UNC5D: variants seen among roughly 807,000 people sequenced by gnomAD.
The protein encoded by UNC5D is netrin receptor UNC5D.
In UNC5D, 39 loss-of-function variants were observed where a neutral mutation model predicts 105.4. The ratio of observed to expected loss-of-function variants is 0.37; its 90% CI spans 0.29 to 0.48. UNC5D has a LOEUF of 0.48. Among genes scored for constraint, UNC5D ranks in the 20% least tolerant of loss-of-function variants. The pLI, the probability that UNC5D is intolerant of heterozygous loss-of-function variation, is 0.98. For synonymous variants in UNC5D, 452 were observed against 450.4 expected (o/e 1.00, Z -0.04); for missense variants, 991 against 1,202.4 (o/e 0.82, Z 2.60).
At chr8:35,268,656 T>C (rs1805059815) in intron 1 of UNC5D, among the ~76,000 whole-genome samples, 1 of 152,156 alleles carries the variant, frequency 6.6e-6, no homozygotes, top group African/African-American at 2.4e-5. Context: ...GTTTGGGATA[T>C]ATTTTACAAT....
At chr8:35,238,577 A>G (rs562803648) in intron 1 of UNC5D, among the ~76,000 whole-genome samples, 47 of 152,260 alleles carry the variant, frequency 3.1e-4, no homozygotes, top group African/African-American at 1.1e-3. Context: ...ATGTTGTCAT[A>G]CTGATTTGTT....
At chr8:35,695,710 A>ATTATTTATTTAT (rs59029374) in intron 7 of UNC5D, among the ~76,000 whole-genome samples, 47 of 146,418 alleles carry the variant, frequency 3.2e-4, no homozygotes, top group Non-Finnish European at 5.7e-4. Flanking sequence ...GTATTTTTAT[A>ATTATTTATTTAT]TTATTTATTT....
intron 1 of UNC5D, among the ~76,000 whole-genome samples, chr8:35,352,274 C>T (rs144793601): frequency 3.3e-5 from 5 of 151,826 alleles, no homozygotes; most frequent in African/African-American, 9.7e-5. Context: ...ACATGTTCAC[C>T]GAAATTAAAC....
At chr8:35,568,329 T>A (rs1030986761) in intron 3 of UNC5D, 88 bp downstream of exon 3, 15 of 1,483,840 alleles carry the variant, frequency 1.0e-5, no homozygotes, top group Non-Finnish European at 1.2e-5. Flanking sequence ...TGTCAGATGC[T>A]TCTACAGAAT....
rs114949607 is a variant in UNC5D, at chr8:35,515,053, G to A, written c.104-34239G>A. Reference sequence around the variant, plus strand: ...TGAAGCTGTGGATGGATTTCCGGTGGTTAGGGCAATTTCTGAAAGACTAGC... The same window carrying A: ...TGAAGCTGTGGATGGATTTCCGGTGATTAGGGCAATTTCTGAAAGACTAGC... On this transcript the variant is annotated intron_variant, in intron 1 of 16. Coordinates refer to ENST00000404895, the MANE Select transcript of UNC5D (RefSeq NM_080872.4). Among the ~76,000 whole-genome samples the A allele has an allele frequency of 5.2e-3, 785 of 152,326 alleles. 5 individuals are homozygous for A. The highest frequency in any genetic ancestry group is 0.018 in the African/African-American group (739 of 41,564).
intron 6 of UNC5D, 108 bp from the exon 7 acceptor site, chr8:35,686,437 T>A (rs1269836795): frequency 3.3e-6 from 4 of 1,201,762 alleles, no homozygotes; most frequent in East Asian, 5.9e-5. Flanking sequence ...TTCTGTTTGG[T>A]GGTTATTTCC....
At chr8:35,577,526 G>A (rs914549102) in intron 3 of UNC5D, among the ~76,000 whole-genome samples, 1 of 150,934 alleles carries the variant, frequency 6.6e-6, no homozygotes, top group African/African-American at 2.4e-5. Context: ...AAAGATTATA[G>A]CTCATGAAAT....
At chr8:35,603,913 C>A (rs560045574) in intron 4 of UNC5D, among the ~76,000 whole-genome samples, 1 of 152,024 alleles carries the variant, frequency 6.6e-6, no homozygotes, top group Non-Finnish European at 1.5e-5. Flanking sequence ...TTCCTCCATC[C>A]CTTTATTTTG....
intron 1 of UNC5D, among the ~76,000 whole-genome samples, chr8:35,361,325 A>C (rs1801838766): frequency 6.6e-6 from 1 of 152,168 alleles, no homozygotes; most frequent in Admixed American, 6.6e-5. Flanking sequence ...TATGATGTCT[A>C]AGAAGACCTA....
Position 35,387,362 on chromosome 8 carries a change from C to CAAA in UNC5D, c.103+151486_103+151488dup, listed in dbSNP as rs745672033. ...TGGGCGACACAGCGAGACTCCATCT[C>CAAA]AAAAAAAAAAAAAGAGAAACGCAGA... On this transcript the variant is annotated intron_variant, in intron 1 of 16. Coordinates refer to ENST00000404895, the MANE Select transcript of UNC5D (RefSeq NM_080872.4). Among the ~76,000 whole-genome samples, 27 of 114,106 alleles carry CAAA rather than the reference C, an allele frequency of 2.4e-4. 2 individuals are homozygous for CAAA. Among genetic ancestry groups the CAAA allele is most frequent in the African/African-American group, 6.5e-4 (19 of 29,332 alleles). 74.9% of individuals were successfully genotyped at this position (114,106 alleles called of 152,430 possible).
intron 1 of UNC5D, among the ~76,000 whole-genome samples, chr8:35,327,698 G>T (rs765575603): frequency 2.6e-5 from 4 of 152,162 alleles, no homozygotes; most frequent in Admixed American, 2.6e-4. Flanking sequence ...TCCGACCCTG[G>T]CACGGTCTGC....
chr8:35,364,420 A>G (rs1165086170), intron 1 of UNC5D, among the ~76,000 whole-genome samples: 1 of 152,050 alleles, frequency 6.6e-6, no homozygotes, highest in African/African-American at 2.4e-5. Flanking sequence ...ATCATTTTCT[A>G]AAGCACTTTT....
At chr8:35,558,176 A>G (rs181434559) in intron 2 of UNC5D, among the ~76,000 whole-genome samples, 2 of 149,952 alleles carry the variant, frequency 1.3e-5, no homozygotes, top group Middle Eastern at 3.5e-3. Context: ...AAGCTCCTTG[A>G]GGGTAGGTAT....
chr8:35,664,502 G>A (rs1352847648), intron 4 of UNC5D, among the ~76,000 whole-genome samples: 1 of 152,022 alleles, frequency 6.6e-6, no homozygotes, highest in Non-Finnish European at 1.5e-5. Context: ...CAGCCTCCGA[G>A]TAGCTGGAAT....
At chr8:35,648,668 G>C (rs1355197912) in intron 4 of UNC5D, among the ~76,000 whole-genome samples, 1 of 119,984 alleles carries the variant, frequency 8.3e-6, no homozygotes, top group Non-Finnish European at 1.6e-5. Context: ...AACAGAGTGA[G>C]AGTCCGTCTC....
intron 1 of UNC5D, among the ~76,000 whole-genome samples, chr8:35,418,779 G>T (rs186784150): frequency 1.3e-3 from 193 of 152,250 alleles, no homozygotes; most frequent in Admixed American, 2.2e-3. Context: ...CATTCAACTC[G>T]TTCCTCTGTT....
At chr8:35,686,828 G>A (rs1355857146) in intron 7 of UNC5D, 119 bp downstream of exon 7, 7 of 1,302,788 alleles carry the variant, frequency 5.4e-6, no homozygotes, top group South Asian at 4.5e-5. Flanking sequence ...AAGCTGCTAA[G>A]GGCAAAAATA....
chr8:35,496,015 G>C (rs139590757), intron 1 of UNC5D, among the ~76,000 whole-genome samples: 1 of 152,176 alleles, frequency 6.6e-6, no homozygotes. Context: ...TCATAGTGGG[G>C]AATGTTTAAT....
At chr8:35,550,533 A>G in intron 2 of UNC5D, among the ~76,000 whole-genome samples, 1 of 152,156 alleles carries the variant, frequency 6.6e-6, no homozygotes. Context: ...AATCAGCCTA[A>G]TTTATTAACT....
Sources: gnomAD v4.1 joint callset for allele counts (sites outside exome capture counted in the v4.1 genomes callset) on GRCh38, gnomAD v4.1.1 for gene constraint, MANE v1.5 for transcripts, NCBI Gene and HGNC (gene_info 2026-07-23, HGNC 2026-07-21) for gene names.